The following VPS13C variants were observed in gnomAD, a reference collection of about 807,000 sequenced individuals.
VPS13C encodes intermembrane lipid transfer protein VPS13C.
VPS13C carries 358 observed loss-of-function variants against 456.8 expected under a neutral mutation model. The observed-to-expected ratio is 0.78, with a 90% CI of 0.72 to 0.86. The LOEUF is 0.86. Ranked by LOEUF, VPS13C falls within the 40% of genes least tolerant of loss-of-function variation. The pLI, the probability that VPS13C is intolerant of heterozygous loss-of-function variation, is 0.00. For synonymous variants in VPS13C, 1,578 were observed against 1,486.7 expected, an observed-to-expected ratio of 1.06 and a Z score of -1.41; for missense variants, 4,818 against 4,385.4, an observed-to-expected ratio of 1.10 and a Z score of -2.79.
intron 82 of VPS13C, among the ~76,000 whole-genome samples, chr15:61,862,186 A>AAAAGG (rs1480551612): frequency 1.3e-5 from 2 of 151,912 alleles, no homozygotes; most frequent in African/African-American, 2.4e-5. Flanking sequence ...AAGGAAAGGG[A>AAAAGG]AAAGGAAAGG....
At chr15:62,016,227 T>C (rs2047242052) in intron 9 of VPS13C, among the ~76,000 whole-genome samples, 1 of 151,190 alleles carries the variant, frequency 6.6e-6, no homozygotes, top group African/African-American at 2.4e-5. Flanking sequence ...GGCAAACTTG[T>C]CTGGTATGAT....
rs7175061 is a variant in VPS13C, at chr15:62,053,575, G to A, written c.100+6700C>T. ...CCACTCATCCAATGAAGGATCTCAC[G>A]TTGTTCTTGCCTTGCTCAAATCACA... On this transcript the variant is annotated intron_variant, in intron 1 of 84. Transcript: ENST00000644861. Among the ~76,000 whole-genome samples the A allele has an allele frequency of 5.2e-3, 794 of 152,310 alleles. 9 individuals are homozygous for A. The highest frequency in any genetic ancestry group is 0.018 in the African/African-American group (761 of 41,562).
chr15:61,908,305 T>A (rs756371624), intron 65 of VPS13C, among the ~76,000 whole-genome samples: 1 of 151,956 alleles, frequency 6.6e-6, no homozygotes, highest in Non-Finnish European at 1.5e-5. Context: ...AATTTACATA[T>A]ATACATACAT....
At chr15:61,939,896 A>G (rs2044357527) in intron 47 of VPS13C, among the ~76,000 whole-genome samples, 1 of 151,892 alleles carries the variant, frequency 6.6e-6, no homozygotes, top group South Asian at 2.1e-4. Flanking sequence ...CAGGAGGCTG[A>G]GGCAGGAGAA....
chr15:61,948,656 C>A (rs1407198905), intron 42 of VPS13C, among the ~76,000 whole-genome samples: 1 of 151,378 alleles, frequency 6.6e-6, no homozygotes, highest in African/African-American at 2.4e-5. Flanking sequence ...GCACTCCAGC[C>A]TGAGCAACAA....
intron 43 of VPS13C, 108 bp downstream of exon 43, chr15:61,947,085 A>G: frequency 1.4e-6 from 1 of 715,680 alleles, no homozygotes; most frequent in South Asian, 2.2e-5. Flanking sequence ...AAAGTCTTCA[A>G]TATAAGTAAA....
At chr15:61,856,550 ATTTTT>A (rs555902700) in intron 82 of VPS13C, 141 bp from the exon 83 acceptor site, 41 of 919,360 alleles carry the variant, frequency 4.5e-5, no homozygotes, top group Admixed American at 2.1e-4. Flanking sequence ...AACCTGCTTC[ATTTTT>A]TTTAAGTCTA....
intron 35 of VPS13C, 130 bp downstream of exon 35, chr15:61,961,459 T>TA (rs914414658): frequency 6.3e-5 from 45 of 719,112 alleles, no homozygotes; most frequent in South Asian, 2.9e-4. Context: ...ATGACAACAA[T>TA]AAAAAAAACT....
chr15:61,925,377 G>A, intron 53 of VPS13C, 79 bp downstream of exon 53: 1 of 748,872 alleles, frequency 1.3e-6, no homozygotes, highest in Non-Finnish European at 2.0e-6. Flanking sequence ...GACATCAAAA[G>A]ATACTGTCTC....
intron 66 of VPS13C, among the ~76,000 whole-genome samples, chr15:61,901,240 A>T (rs1348100031): frequency 3.3e-5 from 5 of 152,212 alleles, no homozygotes; most frequent in Admixed American, 6.5e-5. Flanking sequence ...CAATGGCAAC[A>T]AAAGACAAAA....
At chr15:61,878,845 G>T in intron 73 of VPS13C, 99 bp from the exon 74 acceptor site, 1 of 1,266,744 alleles carries the variant, frequency 7.9e-7, no homozygotes, top group Non-Finnish European at 1.1e-6. Flanking sequence ...AAAGTCTTTC[G>T]ATTAGAGTCC....
chr15:61,995,524 G>T (rs2046354396), intron 16 of VPS13C, among the ~76,000 whole-genome samples: 1 of 152,160 alleles, frequency 6.6e-6, no homozygotes, highest in Admixed American at 6.5e-5. Context: ...ATATACACAA[G>T]ACTTTAGTGA....
chr15:62,049,100 T>G (rs1414666976), intron 1 of VPS13C, among the ~76,000 whole-genome samples: 3 of 152,096 alleles, frequency 2.0e-5, no homozygotes, highest in Non-Finnish European at 4.4e-5. Flanking sequence ...AGAAGCTCTT[T>G]AGTTTAATTA....
chr15:61,957,771 G>C (rs1246067894), intron 37 of VPS13C, among the ~76,000 whole-genome samples: 1 of 151,896 alleles, frequency 6.6e-6, no homozygotes, highest in Non-Finnish European at 1.5e-5. Flanking sequence ...ATGCAACATG[G>C]TAATAATGAA....
At chr15:61,994,842 C>T (rs1350019481) in intron 16 of VPS13C, among the ~76,000 whole-genome samples, 3 of 152,208 alleles carry the variant, frequency 2.0e-5, no homozygotes, top group African/African-American at 7.2e-5. Flanking sequence ...CCCATCTCAG[C>T]TTCCCAAAGG....
chr15:62,007,528 G>A (rs1302368249), intron 14 of VPS13C, 49 bp from the exon 15 acceptor site: 12 of 1,429,570 alleles, frequency 8.4e-6, no homozygotes, highest in African/African-American at 4.3e-5. Context: ...AGGTTTAAGA[G>A]AAAACAGGAA....
intron 43 of VPS13C, among the ~76,000 whole-genome samples, chr15:61,946,767 C>A (rs886343376): frequency 6.6e-6 from 1 of 151,850 alleles, no homozygotes; most frequent in African/African-American, 2.4e-5. Flanking sequence ...TTTAGGAAGA[C>A]AATATTTGTT....
intron 66 of VPS13C, among the ~76,000 whole-genome samples, chr15:61,892,637 AACAG>A (rs1211463598): frequency 6.6e-6 from 1 of 152,042 alleles, no homozygotes; most frequent in African/African-American, 2.4e-5. Context: ...GGCCTCCCCA[AACAG>A]ACAAAGCAAA....
At chr15:62,021,299 A>T (rs1340482893) in intron 8 of VPS13C, among the ~76,000 whole-genome samples, 1 of 151,862 alleles carries the variant, frequency 6.6e-6, no homozygotes, top group Non-Finnish European at 1.5e-5. Context: ...ACACATTTTA[A>T]AAAAAAGGCT....
Sources: allele counts gnomAD v4.1 joint callset (sites outside exome capture counted in the v4.1 genomes callset), GRCh38; gene constraint gnomAD v4.1.1; transcripts MANE v1.5; gene names NCBI Gene and HGNC (gene_info 2026-07-23, HGNC 2026-07-21).